The following TRPC6 variants were observed in gnomAD, a reference collection of about 807,000 sequenced individuals.
TRPC6 encodes short transient receptor potential channel 6.
Under a neutral mutation model 90.7 loss-of-function variants are expected in TRPC6, and 55 were observed. The ratio of observed to expected loss-of-function variants is 0.61; its 90% CI spans 0.49 to 0.76. The LOEUF is 0.76. Ranked by LOEUF, TRPC6 falls within the 30% of genes least tolerant of loss-of-function variation. TRPC6 has a pLI of 0.00. For missense variants in TRPC6, 989 were observed against 1,122.7 expected (o/e 0.88, Z 1.70); for synonymous variants, 393 against 393.0 (o/e 1.00, Z 0.00).
Position 101,536,014 on chromosome 11 carries a change from T to C in TRPC6, c.171-31216A>G, listed in dbSNP as rs183536815. Among the ~76,000 whole-genome samples the C allele has an allele frequency of 4.4e-3, 670 of 152,262 alleles. 7 individuals are homozygous for C. Among genetic ancestry groups the C allele is most frequent in the African/African-American group, 0.015 (640 of 41,552 alleles). Reference sequence around the variant, plus strand: ...ATCAGCATTGCTATGTGCTAGGAAATGGGGAAACTGTGGGAAATAAGCAGA... The same window carrying C: ...ATCAGCATTGCTATGTGCTAGGAAACGGGGAAACTGTGGGAAATAAGCAGA... On this transcript the variant is annotated intron_variant, in intron 1 of 12. Coordinates refer to ENST00000344327, the MANE Select transcript of TRPC6 (RefSeq NM_004621.6).
chr11:101,510,471 C>T (rs1860370887), intron 1 of TRPC6, among the ~76,000 whole-genome samples: 1 of 152,092 alleles, frequency 6.6e-6, no homozygotes, highest in African/African-American at 2.4e-5. Context: ...AAATTCGGCT[C>T]TTCTATTTAT....
intron 10 of TRPC6, among the ~76,000 whole-genome samples, chr11:101,456,949 G>A (rs1200022596): frequency 3.3e-5 from 5 of 152,070 alleles, no homozygotes; most frequent in Non-Finnish European, 7.4e-5. Flanking sequence ...TAATGATACA[G>A]AGAAGAGTAA....
intron 1 of TRPC6, among the ~76,000 whole-genome samples, chr11:101,528,356 A>G (rs562788343): frequency 1.2e-4 from 19 of 152,176 alleles, no homozygotes; most frequent in Non-Finnish European, 2.5e-4. Context: ...TCAATCAGCA[A>G]TATTGTGCCT....
chr11:101,538,950 G>A (rs1297278674), intron 1 of TRPC6, among the ~76,000 whole-genome samples: 1 of 152,116 alleles, frequency 6.6e-6, no homozygotes, highest in Non-Finnish European at 1.5e-5. Flanking sequence ...CTCTCAATAA[G>A]AGCCCAGACA....
intron 1 of TRPC6, among the ~76,000 whole-genome samples, chr11:101,564,198 C>A (rs547762856): frequency 1.3e-5 from 2 of 152,124 alleles, no homozygotes; most frequent in East Asian, 3.9e-4. Context: ...TCCATTAAAG[C>A]CATGTTTTTT....
chr11:101,478,903 C>G (rs1393645260), intron 5 of TRPC6, among the ~76,000 whole-genome samples: 2 of 152,096 alleles, frequency 1.3e-5, no homozygotes, highest in Non-Finnish European at 2.9e-5. Context: ...AACCCACCTG[C>G]GTGCTCATTA....
chr11:101,526,912 G>C (rs1200746267), intron 1 of TRPC6, among the ~76,000 whole-genome samples: 2 of 114,722 alleles, frequency 1.7e-5, no homozygotes, highest in South Asian at 3.1e-4. Context: ...AATAGTCTTA[G>C]TTCCTGGACA....
chr11:101,468,960 G>GAT, intron 10 of TRPC6, among the ~76,000 whole-genome samples: 1 of 152,290 alleles, frequency 6.6e-6, no homozygotes, highest in Non-Finnish European at 1.5e-5. Context: ...TGAAGGAGCT[G>GAT]ATAGATCTCT....
chr11:101,491,482 A>G (rs890423538), intron 3 of TRPC6, 74 bp downstream of exon 3: 10 of 1,572,736 alleles, frequency 6.4e-6, no homozygotes, highest in Admixed American at 3.4e-5. Context: ...TAATCTAACA[A>G]TATCAACCCT....
chr11:101,515,963 A>C (rs1261566317), intron 1 of TRPC6, among the ~76,000 whole-genome samples: 1 of 152,124 alleles, frequency 6.6e-6, no homozygotes, highest in Non-Finnish European at 1.5e-5. Flanking sequence ...TATTTTATTT[A>C]ATTTTCACGG....
At chr11:101,554,282 G>T (rs1392456839) in intron 1 of TRPC6, among the ~76,000 whole-genome samples, 2 of 152,186 alleles carry the variant, frequency 1.3e-5, no homozygotes, top group South Asian at 4.2e-4. Flanking sequence ...TTATTAAGAG[G>T]CCAGTAGTAG....
chr11:101,559,995 TTG>T (rs918952663), intron 1 of TRPC6, among the ~76,000 whole-genome samples: 5 of 152,080 alleles, frequency 3.3e-5, no homozygotes, highest in African/African-American at 7.2e-5. Context: ...GCTGACCATC[TTG>T]TGAAAAAGTA....
chr11:101,519,406 C>A (rs1000225807), intron 1 of TRPC6, among the ~76,000 whole-genome samples: 3 of 152,026 alleles, frequency 2.0e-5, no homozygotes, highest in Admixed American at 6.6e-5. Context: ...CCAGTTAATA[C>A]AACATTTAAT....
At chr11:101,472,030 G>T in intron 8 of TRPC6, 107 bp downstream of exon 8, 5 of 1,186,722 alleles carry the variant, frequency 4.2e-6, no homozygotes, top group Non-Finnish European at 6.2e-6. Flanking sequence ...AACAGGGAAT[G>T]AACAAAGGGC....
intron 2 of TRPC6, among the ~76,000 whole-genome samples, chr11:101,493,519 G>A (rs1439335350): frequency 6.6e-6 from 1 of 152,086 alleles, no homozygotes; most frequent in Non-Finnish European, 1.5e-5. Flanking sequence ...AATCTGCTTG[G>A]CCCCAAGCCT....
At chr11:101,505,135 A>G (rs996808463) in intron 1 of TRPC6, among the ~76,000 whole-genome samples, 2 of 152,204 alleles carry the variant, frequency 1.3e-5, no homozygotes, top group Non-Finnish European at 2.9e-5. Context: ...CCTCTTATCC[A>G]TATGCAGTCA....
intron 1 of TRPC6, among the ~76,000 whole-genome samples, chr11:101,575,932 G>T (rs1474987286): frequency 6.6e-6 from 1 of 152,130 alleles, no homozygotes; most frequent in East Asian, 1.9e-4. Context: ...GAATGGGGGT[G>T]AGTGCGCTTT....
chr11:101,487,496 TTAAA>T (rs747980221), intron 4 of TRPC6, among the ~76,000 whole-genome samples: 2 of 152,110 alleles, frequency 1.3e-5, no homozygotes, highest in Non-Finnish European at 2.9e-5. Flanking sequence ...ACTGTACCCA[TTAAA>T]TAATTTGTCA....
chr11:101,509,705 T>C (rs1860355944), intron 1 of TRPC6, among the ~76,000 whole-genome samples: 1 of 152,274 alleles, frequency 6.6e-6, no homozygotes, highest in East Asian at 1.9e-4. Context: ...ACAGCAAAGA[T>C]ATTTCCGTAG....
Sources: gnomAD v4.1 joint callset for allele counts (sites outside exome capture counted in the v4.1 genomes callset) on GRCh38, gnomAD v4.1.1 for gene constraint, MANE v1.5 for transcripts, NCBI Gene and HGNC (gene_info 2026-07-23, HGNC 2026-07-21) for gene names.